Variants in ELMO1 observed in about 807,000 individuals in gnomAD.
ELMO1 encodes engulfment and cell motility protein 1.
In ELMO1, 26 loss-of-function variants were observed where a neutral mutation model predicts 98.9. The ratio of observed to expected loss-of-function variants is 0.26; its 90% confidence interval spans 0.19 to 0.36. The LOEUF (loss-of-function observed/expected upper bound fraction) is 0.36. Among genes scored for constraint, ELMO1 ranks in the 10% least tolerant of loss-of-function variants. ELMO1 has a pLI of 1.00. For missense variants in ELMO1, 627 were observed against 935.2 expected, an observed-to-expected ratio of 0.67 and a Z score of 4.30; for synonymous variants, 346 against 346.0, an observed-to-expected ratio of 1.00 and a Z score of 0.00.
chr7:36,975,825 C>T (rs539917978), intron 16 of ELMO1, among the ~76,000 whole-genome samples: 1 of 133,936 alleles, frequency 7.5e-6, no homozygotes, highest in Non-Finnish European at 1.5e-5. Flanking sequence ...CCAGCCTGGG[C>T]AACAGAGTGA....
At chr7:36,973,249 C>G (rs1284785717) in intron 16 of ELMO1, among the ~76,000 whole-genome samples, 1 of 152,226 alleles carries the variant, frequency 6.6e-6, no homozygotes, top group African/African-American at 2.4e-5. Context: ...AAAGGCCAGC[C>G]TTCTGCCTCC....
At chr7:37,434,615 C>T (rs994203032) in intron 1 of ELMO1, among the ~76,000 whole-genome samples, 2 of 152,146 alleles carry the variant, frequency 1.3e-5, no homozygotes, top group African/African-American at 2.4e-5. Flanking sequence ...CACGTCACTC[C>T]CTTGGGTAAA....
rs546841446 is a variant in ELMO1 at position 37,142,519 on chromosome 7, G to A, written c.1087-9285C>T. Among the ~76,000 whole-genome samples the A allele has an allele frequency of 1.1e-3, 167 of 152,276 alleles. 2 individuals carry two copies. In the South Asian group the frequency reaches 0.014, roughly 12 times the overall value. ...CTCACACCTGGCTGTGGCATCACAG[G>A]CAATGATTTCATTGGACAATATGTC... is the stretch of plus-strand genomic sequence containing the variant. On this transcript the variant is annotated intron_variant, in intron 13 of 21. Transcript: ENST00000310758.
At chr7:37,053,285 AACACACACACACACACACACACACAC>A (rs59573752) in intron 15 of ELMO1, among the ~76,000 whole-genome samples, 1 of 138,786 alleles carries the variant, frequency 7.2e-6, no homozygotes, top group East Asian at 2.1e-4. Context: ...CATTTGTTAA[AACACACACACACACACACACACACAC>A]ACACACACAC....
intron 5 of ELMO1, among the ~76,000 whole-genome samples, chr7:37,260,901 G>A (rs1176177134): frequency 6.6e-6 from 1 of 152,058 alleles, no homozygotes; most frequent in Non-Finnish European, 1.5e-5. Context: ...AATTGTTCAG[G>A]GATATAGTAC....
At chr7:36,908,596 C>T (rs781594967) in intron 16 of ELMO1, among the ~76,000 whole-genome samples, 3 of 151,594 alleles carry the variant, frequency 2.0e-5, no homozygotes, top group Non-Finnish European at 4.4e-5. Context: ...AAACGGCATA[C>T]ATCTTGTAAA....
intron 1 of ELMO1, among the ~76,000 whole-genome samples, chr7:37,407,481 C>T (rs1163230198): frequency 6.8e-6 from 1 of 146,450 alleles, no homozygotes; most frequent in Non-Finnish European, 1.5e-5. Flanking sequence ...GCATTCCAGC[C>T]TGGGCGAAAG....
At chr7:37,396,894 A>G (rs1195194593) in intron 1 of ELMO1, among the ~76,000 whole-genome samples, 1 of 152,254 alleles carries the variant, frequency 6.6e-6, no homozygotes, top group Non-Finnish European at 1.5e-5. Flanking sequence ...GAAATTCCAT[A>G]GGACATTGGC....
intron 16 of ELMO1, among the ~76,000 whole-genome samples, chr7:36,977,456 G>A (rs2129140559): frequency 6.6e-6 from 1 of 152,312 alleles, no homozygotes; most frequent in South Asian, 2.1e-4. Context: ...TTTACCTACA[G>A]TGTTCAAATT....
At position 37,162,018 on chromosome 7, in the gene ELMO1, G is replaced by A. The variant is rs571842293; in HGVS notation, c.1087-28784C>T. 1.9e-3 allele frequency among the ~76,000 whole-genome samples: 273 copies of A among 144,912 alleles called. 2 individuals are homozygous for A. The highest frequency in any genetic ancestry group is 6.6e-3 in the African/African-American group (264 of 39,800). ...CAACACAAAAAAAAAGGGGAGGAGG[G>A]AAGGAAAGGAGGGAGAAAAATGGGA... On this transcript the variant is annotated intron_variant, in intron 13 of 21. Transcript: ENST00000310758.
chr7:37,211,628 G>A, intron 12 of ELMO1, 111 bp from the exon 13 acceptor site: 1 of 1,386,232 alleles, frequency 7.2e-7, no homozygotes, highest in Non-Finnish European at 9.6e-7. Context: ...ACTGCATTCA[G>A]GCAAAAGAAA....
chr7:37,048,991 G>A (rs1355983558), intron 15 of ELMO1, among the ~76,000 whole-genome samples: 1 of 152,172 alleles, frequency 6.6e-6, no homozygotes, highest in Non-Finnish European at 1.5e-5. Flanking sequence ...TGGTGAGGGA[G>A]ACCCACTGGG....
At chr7:36,918,571 T>C (rs749388391) in intron 16 of ELMO1, among the ~76,000 whole-genome samples, 1 of 152,082 alleles carries the variant, frequency 6.6e-6, no homozygotes, top group Non-Finnish European at 1.5e-5. Flanking sequence ...TGTATCATCA[T>C]CTCTAAGGGC....
chr7:37,417,429 A>G (rs1485225894), intron 1 of ELMO1, among the ~76,000 whole-genome samples: 1 of 152,140 alleles, frequency 6.6e-6, no homozygotes, highest in East Asian at 1.9e-4. Flanking sequence ...TCGGAGGCCG[A>G]GGTGGGAGGA....
intron 15 of ELMO1, among the ~76,000 whole-genome samples, chr7:37,048,842 G>A (rs1795942664): frequency 6.6e-6 from 1 of 152,124 alleles, no homozygotes; most frequent in African/African-American, 2.4e-5. Flanking sequence ...GATAGTTAAA[G>A]TTCAGTTGAC....
Position 36,855,330 on chromosome 7 carries a change from G to A in ELMO1, c.*221C>T. On this transcript the variant is annotated 3_prime_UTR_variant, in exon 22 of 22. Transcript: ENST00000310758. The surrounding 1 kb of genome is among the most constrained non-coding windows in gnomAD (Gnocchi z 4.2). ...CACCAGTGGACTGCAGCCATGGGAAGTGACCTGAAGCAGTGGAGCCGAGGA... is the reference window on the plus strand; with the variant it reads ...CACCAGTGGACTGCAGCCATGGGAAATGACCTGAAGCAGTGGAGCCGAGGA... 1.7e-6 allele frequency: 1 copy of A among 582,086 alleles called. No individual in the cohort carries two copies. Among genetic ancestry groups the A allele is most frequent in the South Asian group, 2.0e-5 (1 of 50,234 alleles). 36.1% of individuals were successfully genotyped at this position (582,086 alleles called of 1,614,324 possible).
At chr7:37,294,873 G>A (rs58534460) in intron 4 of ELMO1, among the ~76,000 whole-genome samples, 1,947 of 151,588 alleles carry the variant, frequency 0.013, 45 homozygotes, top group African/African-American at 0.045. Flanking sequence ...GGTGGCAGGC[G>A]CCTGTAACCC....
At chr7:37,250,393 G>T (rs1052503242) in intron 6 of ELMO1, among the ~76,000 whole-genome samples, 4 of 152,112 alleles carry the variant, frequency 2.6e-5, no homozygotes, top group Non-Finnish European at 4.4e-5. Flanking sequence ...TATAAAAAAC[G>T]ATATTCATCA....
intron 16 of ELMO1, among the ~76,000 whole-genome samples, chr7:36,958,199 C>A (rs1299798067): frequency 6.6e-6 from 1 of 152,168 alleles, no homozygotes; most frequent in East Asian, 1.9e-4. Flanking sequence ...AATACATCCC[C>A]AGTACCTCTT....
Sources: gnomAD v4.1 joint callset for allele counts (sites outside exome capture counted in the v4.1 genomes callset) on GRCh38, gnomAD v4.1.1 for gene constraint, Gnocchi (gnomAD v3.1) non-coding constraint, MANE v1.5 for transcripts, NCBI Gene and HGNC (gene_info 2026-07-23, HGNC 2026-07-21) for gene names.